MROH2B: variants seen among roughly 807,000 people sequenced by gnomAD.
MROH2B encodes the protein maestro heat-like repeat-containing protein family member 2B.
MROH2B carries 177 observed loss-of-function variants against 208.6 expected under a neutral mutation model. The ratio of observed to expected loss-of-function variants is 0.85; its 90% CI spans 0.75 to 0.96. The LOEUF (loss-of-function observed/expected upper bound fraction) is 0.96. Ranked by LOEUF, MROH2B falls within the 40% of genes least tolerant of loss-of-function variation. MROH2B has a pLI of 0.00. For missense variants in MROH2B, 2,002 were observed against 1,878.7 expected (o/e 1.07, Z -1.21); for synonymous variants, 728 against 659.0 (o/e 1.10, Z -1.60).
intron 29 of MROH2B, among the ~76,000 whole-genome samples, chr5:41,014,034 T>C (rs1741857998): frequency 1.3e-5 from 2 of 152,308 alleles, no homozygotes; most frequent in East Asian, 1.9e-4. Context: ...GTTGTGTTTT[T>C]CCTCTCAGAA....
intron 15 of MROH2B, among the ~76,000 whole-genome samples, chr5:41,048,809 GA>G (rs779846221): frequency 1.3e-5 from 2 of 152,150 alleles, no homozygotes; most frequent in Non-Finnish European, 2.9e-5. Flanking sequence ...AGAGAGATGG[GA>G]AATCCAAATA....
chr5:41,003,883 G>A (rs1741483865), intron 37 of MROH2B, among the ~76,000 whole-genome samples: 1 of 152,144 alleles, frequency 6.6e-6, no homozygotes, highest in African/African-American at 2.4e-5. Context: ...ACCCTTCTCT[G>A]CCTAGGACTG....
At chr5:41,046,712 T>C (rs1743130810) in intron 17 of MROH2B, among the ~76,000 whole-genome samples, 1 of 152,140 alleles carries the variant, frequency 6.6e-6, no homozygotes, top group Non-Finnish European at 1.5e-5. Flanking sequence ...TTGTCAAGAC[T>C]TCCTACTAGA....
intron 28 of MROH2B, 92 bp from the exon 29 acceptor site, chr5:41,015,570 C>G: frequency 1.8e-6 from 2 of 1,109,020 alleles, no homozygotes; most frequent in East Asian, 2.5e-5. Context: ...ACTAAATTAG[C>G]TGCTGTCTGA....
chr5:41,030,297 A>G (rs1314785000), intron 24 of MROH2B, among the ~76,000 whole-genome samples: 2 of 152,072 alleles, frequency 1.3e-5, no homozygotes, highest in African/African-American at 4.8e-5. Context: ...GGTATAAAAA[A>G]CAAAGTTTTG....
At chr5:41,056,004 TCA>T in intron 9 of MROH2B, 149 bp from the exon 10 acceptor site, 2 of 634,578 alleles carry the variant, frequency 3.2e-6, no homozygotes, top group South Asian at 3.8e-5. Flanking sequence ...TTCTTCAGTA[TCA>T]CAGAATTAAT....
chr5:41,055,574 C>A (rs1200608860), intron 10 of MROH2B, among the ~76,000 whole-genome samples, 168 bp downstream of exon 10: 1 of 152,026 alleles, frequency 6.6e-6, no homozygotes, highest in Non-Finnish European at 1.5e-5. Flanking sequence ...ACTAAAGATG[C>A]CTGTTGAAAG....
At chr5:41,041,516 C>A (rs758773649) in intron 19 of MROH2B, among the ~76,000 whole-genome samples, 1 of 152,100 alleles carries the variant, frequency 6.6e-6, no homozygotes, top group African/African-American at 2.4e-5. Flanking sequence ...CCCAGCTACT[C>A]GGGAGAATGA....
intron 27 of MROH2B, 73 bp downstream of exon 27, chr5:41,018,268 T>A: frequency 6.9e-7 from 1 of 1,439,986 alleles, no homozygotes; most frequent in Non-Finnish European, 9.5e-7. Flanking sequence ...GCAGGAGTTT[T>A]GGATTCCAGA....
chr5:41,041,347 C>T (rs909817928), intron 19 of MROH2B, among the ~76,000 whole-genome samples: 3 of 152,026 alleles, frequency 2.0e-5, no homozygotes, highest in East Asian at 1.9e-4. Flanking sequence ...ACATCTTCAG[C>T]GGGGTGCGGT....
intron 18 of MROH2B, among the ~76,000 whole-genome samples, chr5:41,045,515 C>G (rs78719626): frequency 0.05 from 7,553 of 152,196 alleles, 215 homozygotes; most frequent in Middle Eastern, 0.075. Context: ...TCTTATCTAC[C>G]TCTCAGTCTT....
Position 41,007,984 on chromosome 5 carries a change from C to T in MROH2B, c.3609-530G>A, listed in dbSNP as rs1054594566. On this transcript the variant is annotated intron_variant, in intron 33 of 41. Coordinates refer to ENST00000399564, the MANE Select transcript of MROH2B (RefSeq NM_173489.5). The stretch of plus-strand genomic sequence containing the variant: ...ACCAACCTAATACGTGTTGACTAAA[C>T]GGTGTTTAAAGTGTCTTTAAAAATG... Among the ~76,000 whole-genome samples, 12 of 152,252 alleles carry T rather than the reference C, an allele frequency of 7.9e-5. No homozygotes were observed. The East Asian group carries it at 1.5e-3, about 20-fold the overall frequency.
chr5:41,057,557 T>A (rs968556650), intron 7 of MROH2B, among the ~76,000 whole-genome samples, 197 bp from the exon 8 acceptor site: 1 of 110,742 alleles, frequency 9.0e-6, no homozygotes. Context: ...TGAACGAATA[T>A]CCCTCCTTTT....
rs765202730 is a variant in MROH2B at position 41,033,149 on chromosome 5, C to G, written c.2253G>C (p.Leu751=). Residue 751 remains leucine (L), a synonymous_variant, in exon 23 of 42, where the codon CTG becomes CTC. Coordinates refer to ENST00000399564, the MANE Select transcript of MROH2B (RefSeq NM_173489.5). Reference sequence around the variant, plus strand: ...TGATGCTTCTTGTGAAACTCATTTGCAGATCCATGTCCTAAAGCAAAAGCA... The same window carrying G: ...TGATGCTTCTTGTGAAACTCATTTGGAGATCCATGTCCTAAAGCAAAAGCA... ...GMSVMNKDMD[L]QMSFTRSITE... is the part of the protein sequence containing the mutation. 1.9e-5 allele frequency: 30 copies of G among 1,612,612 alleles called. No individual in the cohort carries two copies. Among genetic ancestry groups the G allele is most frequent in the Non-Finnish European group, 2.5e-5 (30 of 1,179,084 alleles).
chr5:41,027,107 A>C (rs1097661), intron 24 of MROH2B, among the ~76,000 whole-genome samples: 125,741 of 152,148 alleles, frequency 0.83, 52,190 homozygotes, highest in Middle Eastern at 0.87. Flanking sequence ...CTAGGCCATA[A>C]CATTCAGAAC....
chr5:41,047,883 A>C (rs1193378640), intron 16 of MROH2B, 119 bp from the exon 17 acceptor site: 1 of 847,610 alleles, frequency 1.2e-6, no homozygotes, highest in Non-Finnish European at 1.9e-6. Context: ...TTTTGCTCAT[A>C]ATGCTTATTT....
rs746306022 is a variant in MROH2B at position 41,017,936 on chromosome 5, C to G, written c.2798G>C (p.Gly933Ala). The G allele has an allele frequency of 1.4e-5, 22 of 1,580,354 alleles. No homozygotes were observed. In the East Asian group the frequency reaches 4.8e-4, roughly 34 times the overall value. ...PENFKIGSLL[G>A]LLAPHSCDTL... is the part of the protein sequence containing the mutation. ...ATCACAGGAGTGAGGAGCCAGAAGT[C>G]CAAGCAGTGAACCAATTTTAAAGTT... The change falls in exon 28 of 42, where the codon GGA becomes GCA. Residue 933 changes from glycine to alanine, a missense_variant. By Grantham distance (60) the Gly-to-Ala change is moderately conservative. Coordinates refer to ENST00000399564, the MANE Select transcript of MROH2B (RefSeq NM_173489.5).
chr5:41,028,679 T>C (rs771053031), intron 24 of MROH2B, among the ~76,000 whole-genome samples: 3 of 152,220 alleles, frequency 2.0e-5, no homozygotes, highest in Non-Finnish European at 4.4e-5. Flanking sequence ...ATTGTGGGTA[T>C]AAATATCACA....
At chr5:41,035,453 G>T (rs1400723626) in intron 21 of MROH2B, among the ~76,000 whole-genome samples, 1 of 151,998 alleles carries the variant, frequency 6.6e-6, no homozygotes, top group African/African-American at 2.4e-5. Flanking sequence ...GTAGATTAAA[G>T]ATTTAATTGA....
Sources: allele counts gnomAD v4.1 joint callset (sites outside exome capture counted in the v4.1 genomes callset), GRCh38; gene constraint gnomAD v4.1.1; transcripts MANE v1.5; gene names NCBI Gene and HGNC (gene_info 2026-07-23, HGNC 2026-07-21).